The following SBNO1 variants were observed in gnomAD, a reference collection of about 807,000 sequenced individuals.
SBNO1 encodes the protein protein strawberry notch homolog 1.
SBNO1 carries 23 observed loss-of-function variants against 173.6 expected under a neutral mutation model. That is an observed-to-expected ratio of 0.13 (90% CI 0.10 to 0.19). The LOEUF (loss-of-function observed/expected upper bound fraction) is 0.19, where lower values mean the gene tolerates loss of function less well. SBNO1 is among the 10% of genes least tolerant of loss of function. The pLI, the probability that SBNO1 is intolerant of heterozygous loss-of-function variation, is 1.00. For missense variants in SBNO1, 1,238 were observed against 1,671.2 expected (o/e 0.74, Z 4.52); for synonymous variants, 632 against 571.5 (o/e 1.11, Z -1.51).
rs1385026956 is a variant in SBNO1, at chr12:123,303,839, AAAG to A, written c.3768+740_3768+742del. On this transcript the variant is annotated intron_variant, in intron 29 of 31. Transcript: ENST00000602398. ...ACACAGTGAGACCTCATTTAAAAAA[AAAG>A]AAAGAAAGAAAAAGAAAATATAATT... Among the ~76,000 whole-genome samples, 3 of 138,270 alleles carry A rather than the reference AAAG, an allele frequency of 2.2e-5. No homozygotes were observed. In the East Asian group the frequency reaches 1.0e-3, roughly 47 times the overall value. 90.7% of individuals were successfully genotyped at this position (138,270 alleles called of 152,430 possible). A position where few individuals can be genotyped will look rare whatever the true frequency, so the allele number is the denominator to read the frequency against.
At chr12:123,299,310 G>A (rs919794883) in intron 30 of SBNO1, among the ~76,000 whole-genome samples, 1 of 151,420 alleles carries the variant, frequency 6.6e-6, no homozygotes, top group East Asian at 1.9e-4. Context: ...GGAGCTTGCA[G>A]TGAGCCGAGA....
At chr12:123,314,604 G>A (rs1869048258) in intron 23 of SBNO1, among the ~76,000 whole-genome samples, 2 of 151,412 alleles carry the variant, frequency 1.3e-5, no homozygotes, top group African/African-American at 4.9e-5. Flanking sequence ...CTGGATTACA[G>A]GCGTGAGCCA....
chr12:123,342,388 C>A (rs544604227), intron 4 of SBNO1, among the ~76,000 whole-genome samples: 1 of 152,050 alleles, frequency 6.6e-6, no homozygotes, highest in African/African-American at 2.4e-5. Flanking sequence ...GAGGCAGAGC[C>A]TGCAATGAGC....
intron 10 of SBNO1, among the ~76,000 whole-genome samples, chr12:123,328,317 G>A (rs1189167173): frequency 3.3e-5 from 5 of 152,186 alleles, no homozygotes; most frequent in Non-Finnish European, 7.4e-5. Flanking sequence ...AAAAGTAGAA[G>A]CATGATTGGT....
chr12:123,310,823 G>A lies in SBNO1; in HGVS notation c.3295+232C>T, dbSNP rs532862787. ...GCTGGGATTACAGGCGTGAGCCACCGTGCCCAGCAGACTTCAGTAATTTTT... is the reference window on the plus strand; with the variant it reads ...GCTGGGATTACAGGCGTGAGCCACCATGCCCAGCAGACTTCAGTAATTTTT... On this transcript the variant is annotated intron_variant, in intron 25 of 31. Transcript: ENST00000602398. Among the ~76,000 whole-genome samples, 4 of 152,192 alleles carry A rather than the reference G, an allele frequency of 2.6e-5. No homozygotes were observed. The South Asian group carries it at 8.3e-4, about 32-fold the overall frequency.
chr12:123,302,329 A>T (rs1593325145), intron 30 of SBNO1, among the ~76,000 whole-genome samples: 1 of 148,242 alleles, frequency 6.7e-6, no homozygotes, highest in South Asian at 2.1e-4. Context: ...TGCAACTTCC[A>T]CCTTCCGGGT....
rs1460031769 is a variant in SBNO1, at chr12:123,323,816, T to G, written c.1989A>C (p.Ser663=). 7 of 1,610,810 alleles carry G rather than the reference T, an allele frequency of 4.3e-6. No individual in the cohort carries two copies. The highest frequency in any genetic ancestry group is 5.9e-6 in the Non-Finnish European group (7 of 1,178,948). The change falls in exon 16 of 32, where the codon TCA becomes TCC. Residue 663 remains serine, a synonymous_variant. Coordinates refer to ENST00000602398, the MANE Select transcript of SBNO1 (RefSeq NM_001167856.3). ...FVSTAKGVLQ[S]LIEKHFPAPD... ...GAGCAGGAAAATGTTTTTCAATGAG[T>G]GACTGCAACACACCTCTGTAGGAGA...
At position 123,298,056 on chromosome 12, in the gene SBNO1, C is replaced by G. The variant is rs754320644; in HGVS notation, c.3961G>C (p.Val1321Leu). 6.2e-7 allele frequency: 1 copy of G among 1,613,840 alleles called. No individual in the cohort carries two copies. Among genetic ancestry groups the G allele is most frequent in the Admixed American group, 1.7e-5 (1 of 59,918 alleles). ...VLSVWTKVEG[V>L]LASVSGTNVK... ...TTTGTGCCACTGACAGATGCTAGAACACCCTCAACTTTTGTCCAGACACTC... is the reference window on the plus strand; with the variant it reads ...TTTGTGCCACTGACAGATGCTAGAAGACCCTCAACTTTTGTCCAGACACTC... The change falls in exon 31 of 32, where the codon GTT becomes CTT. Residue 1321 changes from valine to leucine, a missense_variant. Around this residue, in one of 14 missense-constraint regions of SBNO1, gnomAD observed 351 missense variants for 420.3 expected, o/e 0.84. Coordinates refer to ENST00000602398, the MANE Select transcript of SBNO1 (RefSeq NM_001167856.3).
chr12:123,344,714 T>G (rs1872920459), intron 4 of SBNO1, among the ~76,000 whole-genome samples: 1 of 152,106 alleles, frequency 6.6e-6, no homozygotes, highest in Non-Finnish European at 1.5e-5. Flanking sequence ...CTAGGTGTGG[T>G]GGCAAGCACC....
intron 7 of SBNO1, among the ~76,000 whole-genome samples, chr12:123,331,937 C>T (rs1029029170): frequency 6.6e-6 from 1 of 152,108 alleles, no homozygotes; most frequent in Non-Finnish European, 1.5e-5. Flanking sequence ...ACTGCAACCT[C>T]TGAATTCCTG....
intron 4 of SBNO1, among the ~76,000 whole-genome samples, chr12:123,341,425 G>A (rs1373600974): frequency 6.6e-6 from 1 of 152,076 alleles, no homozygotes; most frequent in Non-Finnish European, 1.5e-5. Context: ...TTCAGCCTGG[G>A]TGACAGAACA....
At position 123,295,857 on chromosome 12, in the gene SBNO1, A is replaced by G; in HGVS notation, c.*51T>C. 1 of 1,584,494 alleles carries G rather than the reference A, an allele frequency of 6.3e-7. No individual in the cohort carries two copies. The highest frequency in any genetic ancestry group is 8.6e-7 in the Non-Finnish European group (1 of 1,163,806). On this transcript the variant is annotated 3_prime_UTR_variant, in exon 32 of 32. Coordinates refer to ENST00000602398, the MANE Select transcript of SBNO1 (RefSeq NM_001167856.3). ...ACTGTCCCTGATTTTTATGCAAATGATATGCTTCAACAGCATTTCAGATCC... is the reference window on the plus strand; with the variant it reads ...ACTGTCCCTGATTTTTATGCAAATGGTATGCTTCAACAGCATTTCAGATCC...
At chr12:123,339,622 A>T (rs1169087977) in intron 5 of SBNO1, among the ~76,000 whole-genome samples, 2 of 152,052 alleles carry the variant, frequency 1.3e-5, no homozygotes, top group African/African-American at 4.8e-5. Flanking sequence ...CCCCGTCTCT[A>T]CTAAAAACAC....
chr12:123,329,099 G>A (rs1478506851), intron 9 of SBNO1, among the ~76,000 whole-genome samples: 1 of 152,120 alleles, frequency 6.6e-6, no homozygotes, highest in Non-Finnish European at 1.5e-5. Context: ...CCAGTTTTTG[G>A]TAGGACACAG....
chr12:123,320,400 A>C (rs201714557), intron 19 of SBNO1, 32 bp downstream of exon 19: 9 of 1,580,588 alleles, frequency 5.7e-6, no homozygotes, highest in South Asian at 3.5e-5. Context: ...TCAAATGGCA[A>C]AAATGTCACC....
chr12:123,364,256 G>A (rs979900901), intron 1 of SBNO1: 3 of 985,618 alleles, frequency 3.0e-6, no homozygotes, highest in Non-Finnish European at 3.6e-6. Context: ...GAGCAATGCT[G>A]GGGCACGAAA....
At position 123,298,001 on chromosome 12, in the gene SBNO1, G is replaced by C; in HGVS notation, c.4016C>G (p.Thr1339Arg). ...ACCTACAATCCGTTGCCCATCTTCC[G>C]TTCTTAGCCGCACGATCTGCATCTT... ...NVKMQIVRLR[T>R]EDGQRIVGLI... Residue 1339 changes from threonine to arginine, a missense_variant, in exon 31 of 32, where the codon ACG becomes AGG. Physicochemically the swap from Thr to Arg is moderately conservative, Grantham distance 71. Transcript: ENST00000602398. The C allele has an allele frequency of 6.2e-7, 1 of 1,613,874 alleles. No homozygotes were observed. The highest frequency in any genetic ancestry group is 1.3e-5 in the African/African-American group (1 of 75,006).
At position 123,309,797 on chromosome 12, in the gene SBNO1, T is replaced by G; in HGVS notation, c.3355A>C (p.Asn1119His). 6.2e-7 allele frequency: 1 copy of G among 1,612,296 alleles called. No individual in the cohort carries two copies. The highest frequency in any genetic ancestry group is 8.5e-7 in the Non-Finnish European group (1 of 1,178,916). The change falls in exon 26 of 32, where the codon AAT becomes CAT. Residue 1119 changes from asparagine to histidine, a missense_variant. Asn to His is a moderately conservative substitution (Grantham distance 68). Transcript: ENST00000602398. ...TCCGCAAAATACTGAAATAACGCAT[T>G]CTGCTGATGCACCTCCATGCCTAAA... ...RILGMEVHQQ[N>H]ALFQYFADTL...
At chr12:123,326,050 A>G (rs1870577027) in intron 14 of SBNO1, 102 bp downstream of exon 14, 6 of 750,074 alleles carry the variant, frequency 8.0e-6, no homozygotes, top group Non-Finnish European at 1.2e-5. Flanking sequence ...AAGTTTTACT[A>G]TCCTTTAGGA....
Sources: allele counts gnomAD v4.1 joint callset (sites outside exome capture counted in the v4.1 genomes callset), GRCh38; gene constraint gnomAD v4.1.1; regional missense constraint gnomAD v4.1.1; transcripts MANE v1.5; gene names NCBI Gene and HGNC (gene_info 2026-07-23, HGNC 2026-07-21).